CSMD1: variants seen among roughly 807,000 people sequenced by gnomAD.
CSMD1 encodes CUB and Sushi multiple domains 1, also known as CUB and sushi domain-containing protein 1.
A neutral mutation model predicts 417.5 loss-of-function variants in CSMD1; 213 were observed. That is an observed-to-expected ratio of 0.51 (90% CI 0.46 to 0.57). The LOEUF (loss-of-function observed/expected upper bound fraction) is 0.57. Ranked by LOEUF, CSMD1 falls within the 20% of genes least tolerant of loss-of-function variation. The pLI, the probability that CSMD1 is intolerant of heterozygous loss-of-function variation, is 0.00. For synonymous variants in CSMD1, 2,862 were observed against 1,736.8 expected (o/e 1.65, Z -16.11); for missense variants, 6,923 against 4,529.7 (o/e 1.53, Z -15.17).
chr8:3,915,365 C>T (rs186219225), intron 5 of CSMD1, among the ~76,000 whole-genome samples: 1 of 144,570 alleles, frequency 6.9e-6, no homozygotes, highest in East Asian at 2.0e-4. Context: ...TAGATAGTGC[C>T]ACTGCACTCC....
rs2130779159 is a variant in CSMD1, at chr8:4,071,090, T to C, written c.416-38991A>G. On this transcript the variant is annotated intron_variant, in intron 3 of 69. Coordinates refer to ENST00000635120, the MANE Select transcript of CSMD1 (RefSeq NM_033225.6). ...TGGTTATGGTTTCTTTGCAGTTATC[T>C]TTCAGTTTACAGAGACTCTTGAGTC... Among the ~76,000 whole-genome samples the C allele has an allele frequency of 1.3e-5, 2 of 152,316 alleles. 1 individual carries two copies. The highest frequency in any genetic ancestry group is 3.9e-4 in the East Asian group (2 of 5,190).
chr8:3,942,843 G>T (rs1810972869), intron 5 of CSMD1, among the ~76,000 whole-genome samples: 1 of 152,090 alleles, frequency 6.6e-6, no homozygotes, highest in Non-Finnish European at 1.5e-5. Context: ...TTGAGCTATA[G>T]TATCGTCCCA....
At position 3,435,264 on chromosome 8, in the gene CSMD1, TTTTCACTGCACATA is replaced by T. The variant is rs531884756; in HGVS notation, c.1562-25673_1562-25660del. Among the ~76,000 whole-genome samples, 1,344 of 152,210 alleles carry T rather than the reference TTTTCACTGCACATA, an allele frequency of 8.8e-3. 14 individuals are homozygous for T. Among genetic ancestry groups the T allele is most frequent in the African/African-American group, 0.03 (1,249 of 41,534 alleles). On this transcript the variant is annotated intron_variant, in intron 12 of 69. Transcript: ENST00000635120. Reference sequence around the variant, plus strand: ...TAGTATCCCTGACAGTTAATATGTGTTTTCACTGCACATATTTCACTGCACATATTTCACTGGGA... The same window carrying T: ...TAGTATCCCTGACAGTTAATATGTGTTTTCACTGCACATATTTCACTGGGA...
intron 5 of CSMD1, among the ~76,000 whole-genome samples, chr8:3,870,084 T>C (rs755212720): frequency 2.6e-5 from 4 of 152,166 alleles, no homozygotes; most frequent in Non-Finnish European, 5.9e-5. Context: ...TAATGATTAT[T>C]AAGTTATCTA....
intron 27 of CSMD1, among the ~76,000 whole-genome samples, chr8:3,227,073 G>A (rs893245643): frequency 1.3e-5 from 2 of 152,074 alleles, no homozygotes; most frequent in South Asian, 4.2e-4. Flanking sequence ...TATGGCTGAT[G>A]GCAGGTTAAA....
chr8:3,792,152 G>T (rs1799784545), intron 5 of CSMD1, among the ~76,000 whole-genome samples: 1 of 152,094 alleles, frequency 6.6e-6, no homozygotes, highest in Non-Finnish European at 1.5e-5. Context: ...CAATTAGCCA[G>T]GTGTCATGGT....
At chr8:3,716,599 A>T (rs1801854571) in intron 6 of CSMD1, among the ~76,000 whole-genome samples, 1 of 152,086 alleles carries the variant, frequency 6.6e-6, no homozygotes, top group Non-Finnish European at 1.5e-5. Context: ...CTTTACTGCA[A>T]CCTATTTCAT....
intron 3 of CSMD1, among the ~76,000 whole-genome samples, chr8:4,406,715 T>C (rs1466206160): frequency 6.6e-6 from 1 of 152,182 alleles, no homozygotes; most frequent in Non-Finnish European, 1.5e-5. Flanking sequence ...AAGCTTGTGA[T>C]GTCCAAATGA....
intron 3 of CSMD1, among the ~76,000 whole-genome samples, chr8:4,208,350 T>C (rs1435058868): frequency 6.6e-6 from 1 of 152,160 alleles, no homozygotes; most frequent in East Asian, 1.9e-4. Flanking sequence ...GAATCCTTCC[T>C]GGAGTAAGAG....
intron 26 of CSMD1, among the ~76,000 whole-genome samples, chr8:3,265,598 G>C (rs1014142412): frequency 4.6e-5 from 7 of 152,186 alleles, no homozygotes; most frequent in African/African-American, 1.4e-4. Flanking sequence ...GAAATAATCT[G>C]TCAGGAACCA....
chr8:4,264,805 T>C (rs1469020430), intron 3 of CSMD1, among the ~76,000 whole-genome samples: 1 of 152,166 alleles, frequency 6.6e-6, no homozygotes, highest in African/African-American at 2.4e-5. Flanking sequence ...AGTTAATTCT[T>C]CTTGTTGTGC....
chr8:4,920,891 GAAA>G (rs375893325), intron 1 of CSMD1, among the ~76,000 whole-genome samples: 4 of 49,154 alleles, frequency 8.1e-5, no homozygotes, highest in Non-Finnish European at 1.4e-4. Context: ...GAAAAGAAAA[GAAA>G]AGAAAAGAAA....
At chr8:3,244,812 T>C (rs1799774740) in intron 26 of CSMD1, among the ~76,000 whole-genome samples, 1 of 152,198 alleles carries the variant, frequency 6.6e-6, no homozygotes, top group South Asian at 2.1e-4. Context: ...TAGTCACAGA[T>C]GGGTGCGGGA....
chr8:2,952,884 T>C (rs1055442033), intron 65 of CSMD1, among the ~76,000 whole-genome samples: 3 of 152,140 alleles, frequency 2.0e-5, no homozygotes, highest in African/African-American at 7.2e-5. Context: ...AGAGGTCATC[T>C]TTCTGGGTCT....
intron 5 of CSMD1, among the ~76,000 whole-genome samples, chr8:3,886,380 C>T (rs1420436952): frequency 6.6e-6 from 1 of 152,160 alleles, no homozygotes; most frequent in Admixed American, 6.6e-5. Flanking sequence ...ACTGTGGTGG[C>T]AAATTGGTTG....
At chr8:3,020,847 G>A (rs911611451) in intron 51 of CSMD1, among the ~76,000 whole-genome samples, 2 of 152,194 alleles carry the variant, frequency 1.3e-5, no homozygotes, top group African/African-American at 4.8e-5. Flanking sequence ...TTTGGGGATT[G>A]CTAAACTATT....
intron 2 of CSMD1, among the ~76,000 whole-genome samples, chr8:4,502,007 G>T (rs1334483652): frequency 6.6e-6 from 1 of 152,026 alleles, no homozygotes; most frequent in Admixed American, 6.6e-5. Context: ...CAAGACTCAG[G>T]CTCTAACCTT....
At chr8:3,758,985 A>G (rs1457290952) in intron 5 of CSMD1, among the ~76,000 whole-genome samples, 1 of 152,236 alleles carries the variant, frequency 6.6e-6, no homozygotes, top group African/African-American at 2.4e-5. Flanking sequence ...GGCTGACAAG[A>G]AAGCTGCTGA....
At chr8:3,278,527 G>A (rs901401115) in intron 26 of CSMD1, 1 of 152,006 alleles carries the variant, frequency 6.6e-6, no homozygotes, top group African/African-American at 2.4e-5. Flanking sequence ...AATCATATGA[G>A]GAAAACATTT....
Sources: gnomAD v4.1 joint callset for allele counts (sites outside exome capture counted in the v4.1 genomes callset) on GRCh38, gnomAD v4.1.1 for gene constraint, MANE v1.5 for transcripts, NCBI Gene and HGNC (gene_info 2026-07-23, HGNC 2026-07-21) for gene names.